The following NUP155 variants were observed in gnomAD, a reference collection of about 807,000 sequenced individuals.
The protein encoded by NUP155 is nucleoporin 155, also known as nuclear pore complex protein Nup155.
NUP155 carries 71 observed loss-of-function variants against 180.4 expected under a neutral mutation model. The observed-to-expected ratio is 0.39, with a 90% CI of 0.33 to 0.48. NUP155 has a LOEUF of 0.48. Among genes scored for constraint, NUP155 ranks in the 20% least tolerant of loss-of-function variants. The probability of loss-of-function intolerance (pLI) is 0.91; values close to 1 mark genes in which losing one functional copy is unlikely to be tolerated. For missense variants in NUP155, 1,553 were observed against 1,648.9 expected, an observed-to-expected ratio of 0.94 and a Z score of 1.01; for synonymous variants, 582 against 559.5, an observed-to-expected ratio of 1.04 and a Z score of -0.57.
rs377207586 is a variant in NUP155, at chr5:37,307,471, A to T, written c.2768-39T>A. 155 of 1,603,706 alleles carry T rather than the reference A, an allele frequency of 9.7e-5. 1 individual carries two copies. The Middle Eastern group carries it at 1.3e-3, about 14-fold the overall frequency. On this transcript the variant is annotated intron_variant, in intron 24 of 34. Coordinates refer to ENST00000231498, the MANE Select transcript of NUP155 (RefSeq NM_153485.3). The stretch of plus-strand genomic sequence containing the variant: ...AAAGAATGAAGACCTATGACTTACT[A>T]CTAAGTTGGATACATTTTTCCTTAG...
chr5:37,332,556 A>G (rs1745049072), intron 13 of NUP155, among the ~76,000 whole-genome samples: 1 of 151,944 alleles, frequency 6.6e-6, no homozygotes, highest in Admixed American at 6.6e-5. Flanking sequence ...TTGCCATTAC[A>G]ATCAATGGCA....
Position 37,314,346 on chromosome 5 carries a change from T to G in NUP155, c.2306-18A>C. 4 of 1,543,212 alleles carry G rather than the reference T, an allele frequency of 2.6e-6. No individual in the cohort carries two copies. The highest frequency in any genetic ancestry group is 3.6e-6 in the Non-Finnish European group (4 of 1,121,482). On this transcript the variant is annotated intron_variant, in intron 21 of 34. Coordinates refer to ENST00000231498, the MANE Select transcript of NUP155 (RefSeq NM_153485.3). ...TTGAGCCTCTAATGAGAAAACAAAA[T>G]AAATTATTATAAAATAACATAGGTT...
chr5:37,302,848 T>C lies in NUP155; in HGVS notation c.3378A>G (p.Lys1126=). ...CTATTGATGAAATGGCAGTGGAACT[T>C]TTGGCACTAAGAATGGCTCGAGCAA... ...EYIARAILSA[K]SSTAISSIAA... The change falls in exon 29 of 35, where the codon AAA becomes AAG. Residue 1126 remains lysine (K), a synonymous_variant. Transcript: ENST00000231498. 2 of 1,614,098 alleles carry C rather than the reference T, an allele frequency of 1.2e-6. No individual in the cohort carries two copies. Among genetic ancestry groups the C allele is most frequent in the Non-Finnish European group, 8.5e-7 (1 of 1,179,968 alleles).
At chr5:37,293,359 CA>C (rs1434151868) in intron 33 of NUP155, among the ~76,000 whole-genome samples, 18 of 151,968 alleles carry the variant, frequency 1.2e-4, no homozygotes, top group African/African-American at 4.3e-4. Context: ...ACTAAACTAG[CA>C]GTAACAGAAA....
intron 22 of NUP155, among the ~76,000 whole-genome samples, chr5:37,313,179 C>T (rs1308377666): frequency 6.6e-6 from 1 of 151,864 alleles, no homozygotes; most frequent in Middle Eastern, 3.2e-3. Flanking sequence ...GTCTGTAATC[C>T]TAGCATTTTG....
chr5:37,350,265 C>A lies in NUP155; in HGVS notation c.724G>T (p.Ala242Ser). Reference sequence around the variant, plus strand: ...CTTTGGCTAAACCACCCTGCTTCAGCCTTAAAGAAAAAAGTAGAAAGACGA... The same window carrying A: ...CTTTGGCTAAACCACCCTGCTTCAGACTTAAAGAAAAAAGTAGAAAGACGA... ...DGCLYEVAYQ[A>S]EAGWFSQRCR... is the part of the protein sequence containing the mutation. The change falls in exon 7 of 35, where the codon GCT (alanine) becomes TCT (serine). Residue 242 changes from alanine to serine, a missense_variant and splice_region_variant. Physicochemically the swap from Ala to Ser is moderately conservative, Grantham distance 99. Coordinates refer to ENST00000231498, the MANE Select transcript of NUP155 (RefSeq NM_153485.3). 1 of 1,609,810 alleles carries A rather than the reference C, an allele frequency of 6.2e-7. No homozygotes were observed. The highest frequency in any genetic ancestry group is 8.5e-7 in the Non-Finnish European group (1 of 1,176,432).
intron 9 of NUP155, among the ~76,000 whole-genome samples, chr5:37,343,221 C>A (rs1199055216): frequency 6.6e-6 from 1 of 152,018 alleles, no homozygotes; most frequent in African/African-American, 2.4e-5. Context: ...ACTACAGGCA[C>A]CCGCCACCAC....
chr5:37,295,587 C>T (rs1402185883), intron 32 of NUP155, among the ~76,000 whole-genome samples: 1 of 112,540 alleles, frequency 8.9e-6, no homozygotes, highest in African/African-American at 3.0e-5. Context: ...GCCGCCATCC[C>T]ATCTAGGAAG....
At chr5:37,353,296 A>G (rs1364980478) in intron 4 of NUP155, among the ~76,000 whole-genome samples, 1 of 152,112 alleles carries the variant, frequency 6.6e-6, no homozygotes, top group Non-Finnish European at 1.5e-5. Flanking sequence ...ATACTACTGA[A>G]CTTTAAAAAG....
At chr5:37,334,935 G>A (rs1309300009) in intron 12 of NUP155, among the ~76,000 whole-genome samples, 10 of 151,874 alleles carry the variant, frequency 6.6e-5, no homozygotes, top group African/African-American at 1.4e-4. Flanking sequence ...GGAGGCGGGC[G>A]GTACCCGAGG....
intron 13 of NUP155, among the ~76,000 whole-genome samples, chr5:37,332,090 G>A (rs1267620020): frequency 1.4e-5 from 2 of 147,792 alleles, no homozygotes; most frequent in African/African-American, 5.0e-5. Flanking sequence ...AATTGCCCCG[G>A]CAAAGCTGCC....
intron 3 of NUP155, among the ~76,000 whole-genome samples, chr5:37,360,617 C>A (rs146213597): frequency 1.3e-5 from 2 of 151,518 alleles, no homozygotes. Flanking sequence ...GAAACTCCGT[C>A]TCCACTAAAA....
rs879300324 is a variant in NUP155 at position 37,368,575 on chromosome 5, T to A, written c.157+2246A>T. ...TGGGTGACACCTGTAATCCCAACAC[T>A]TTGGGAGGCCGAGGCGGGCGGATCA... On this transcript the variant is annotated intron_variant, in intron 1 of 34. Transcript: ENST00000231498. Among the ~76,000 whole-genome samples the A allele has an allele frequency of 8.6e-4, 130 of 151,900 alleles. 2 individuals carry two copies. The highest frequency in any genetic ancestry group is 8.0e-3 in the Admixed American group (122 of 15,208).
chr5:37,308,478 C>G (rs897697561), intron 24 of NUP155, among the ~76,000 whole-genome samples: 4 of 151,994 alleles, frequency 2.6e-5, no homozygotes, highest in African/African-American at 7.3e-5. Flanking sequence ...GTGGGTGGAT[C>G]ATGAGGTCAG....
chr5:37,321,299 T>C (rs191402310), intron 20 of NUP155, among the ~76,000 whole-genome samples: 3 of 152,244 alleles, frequency 2.0e-5, no homozygotes, highest in African/African-American at 7.2e-5. Context: ...TGAGCTGAGA[T>C]TGCACCACTG....
chr5:37,352,148 G>C (rs905363277), intron 5 of NUP155, among the ~76,000 whole-genome samples: 1 of 152,096 alleles, frequency 6.6e-6, no homozygotes, highest in South Asian at 2.1e-4. Context: ...ACGAGGTCAG[G>C]AGTTCAAGAA....
In NUP155 at chr5:37,290,421, T is replaced by A. The variant is rs1742183939; in HGVS notation, c.*1479A>T. 1 of 150,332 alleles carries A rather than the reference T, an allele frequency of 6.7e-6. No individual in the cohort carries two copies. The highest frequency in any genetic ancestry group is 1.5e-5 in the Non-Finnish European group (1 of 67,876). The allele number at this position is 150,332 out of a possible 1,614,324, so 9.3% of individuals were successfully genotyped here. ...CAAACCTGTGAGGCAGAGGTTGCAG[T>A]GAGCCGGGATCGCACCACTGCACTC... On this transcript the variant is annotated 3_prime_UTR_variant, in exon 35 of 35. Transcript: ENST00000231498.
chr5:37,289,998 C>G lies in NUP155; in HGVS notation c.*1902G>C, dbSNP rs890915237. The G allele has an allele frequency of 6.6e-6, 1 of 152,060 alleles. No individual in the cohort carries two copies. Among genetic ancestry groups the G allele is most frequent in the African/African-American group, 2.4e-5 (1 of 41,398 alleles). The allele number at this position is 152,060 out of a possible 1,614,324, so 9.4% of individuals were successfully genotyped here. On this transcript the variant is annotated 3_prime_UTR_variant, in exon 35 of 35. Coordinates refer to ENST00000231498, the MANE Select transcript of NUP155 (RefSeq NM_153485.3). ...ACGTTCTGGCATTCTATTAAATATT[C>G]TACATTAGAAGATTATAGGGAAAAG...
At chr5:37,351,758 TCTTA>T (rs1746475744) in intron 5 of NUP155, among the ~76,000 whole-genome samples, 1 of 152,000 alleles carries the variant, frequency 6.6e-6, no homozygotes, top group Non-Finnish European at 1.5e-5. Flanking sequence ...CTTACTCAAT[TCTTA>T]CTGACAATTA....
Sources: gnomAD v4.1 joint callset for allele counts (sites outside exome capture counted in the v4.1 genomes callset) on GRCh38, gnomAD v4.1.1 for gene constraint, MANE v1.5 for transcripts, NCBI Gene and HGNC (gene_info 2026-07-23, HGNC 2026-07-21) for gene names.